Variants in PICALM observed in about 807,000 individuals in gnomAD.
The protein encoded by PICALM is phosphatidylinositol-binding clathrin assembly protein.
Under a neutral mutation model 80.5 loss-of-function variants are expected in PICALM, and 40 were observed. The observed-to-expected ratio is 0.50, with a 90% CI of 0.39 to 0.65. The LOEUF is 0.65. PICALM is among the 30% of genes least tolerant of loss of function. The probability of loss-of-function intolerance (pLI) is 0.00; values close to 1 mark genes in which losing one functional copy is unlikely to be tolerated. For missense variants in PICALM, 676 were observed against 778.9 expected (o/e 0.87, Z 1.57); for synonymous variants, 288 against 260.3 (o/e 1.11, Z -1.02).
chr11:86,036,943 ACC>A (rs1234127607), intron 1 of PICALM, among the ~76,000 whole-genome samples: 74 of 134,530 alleles, frequency 5.5e-4, no homozygotes, highest in Middle Eastern at 3.5e-3. Flanking sequence ...CTCAACAACA[ACC>A]AAAAAAAAAA....
chr11:86,025,270 T>C (rs1329203367), intron 3 of PICALM, among the ~76,000 whole-genome samples: 1 of 151,944 alleles, frequency 6.6e-6, no homozygotes, highest in Non-Finnish European at 1.5e-5. Flanking sequence ...CGTGGTGACA[T>C]GCGCGGGTAG....
intron 4 of PICALM, 148 bp downstream of exon 4, chr11:86,022,219 C>T (rs960644707): frequency 8.0e-6 from 4 of 500,800 alleles, no homozygotes; most frequent in Non-Finnish European, 1.4e-5. Context: ...AATCCTACCA[C>T]AAAAAGTACT....
chr11:86,060,621 C>T (rs2137659011), intron 1 of PICALM, among the ~76,000 whole-genome samples: 2 of 151,710 alleles, frequency 1.3e-5, no homozygotes, highest in Non-Finnish European at 2.9e-5. Flanking sequence ...TGAGGACCCC[C>T]AAAAGTCCCC....
intron 19 of PICALM, chr11:85,960,925 TAAG>T (rs2093667485): frequency 3.3e-6 from 1 of 305,458 alleles, no homozygotes; most frequent in Non-Finnish European, 6.3e-6. Context: ...AATGGATTGT[TAAG>T]ACAAAAGTTT....
intron 18 of PICALM, among the ~76,000 whole-genome samples, chr11:85,975,513 T>A (rs1389066943): frequency 6.6e-6 from 1 of 151,960 alleles, no homozygotes; most frequent in East Asian, 1.9e-4. Flanking sequence ...TTTCAAGAAG[T>A]TCTATTTATT....
chr11:85,994,004 G>A (rs1370005786), intron 12 of PICALM, among the ~76,000 whole-genome samples: 2 of 152,028 alleles, frequency 1.3e-5, no homozygotes, highest in Non-Finnish European at 2.9e-5. Flanking sequence ...ACAGGTATGA[G>A]CCACTGCACC....
intron 1 of PICALM, among the ~76,000 whole-genome samples, chr11:86,036,942 A>C (rs934374019): frequency 3.5e-4 from 46 of 132,292 alleles, no homozygotes; most frequent in African/African-American, 1.1e-3. Flanking sequence ...TCTCAACAAC[A>C]ACCAAAAAAA....
chr11:86,015,138 A>G (rs1463587206), intron 4 of PICALM, among the ~76,000 whole-genome samples, 175 bp from the exon 5 acceptor site: 1 of 152,224 alleles, frequency 6.6e-6, no homozygotes, highest in Non-Finnish European at 1.5e-5. Flanking sequence ...AAAAAACAAA[A>G]ACAGGCAACA....
At chr11:86,045,799 T>C (rs1488106616) in intron 1 of PICALM, among the ~76,000 whole-genome samples, 1 of 152,186 alleles carries the variant, frequency 6.6e-6, no homozygotes, top group African/African-American at 2.4e-5. Flanking sequence ...TTAAGTGGTC[T>C]AGACAAGTAG....
At chr11:86,050,227 T>C (rs1254010082) in intron 1 of PICALM, among the ~76,000 whole-genome samples, 3 of 121,110 alleles carry the variant, frequency 2.5e-5, no homozygotes, top group African/African-American at 6.6e-5. Flanking sequence ...AAAAAAAAAC[T>C]ATATCAGTAA....
intron 4 of PICALM, 109 bp downstream of exon 4, chr11:86,022,258 C>T: frequency 9.5e-6 from 6 of 633,404 alleles, no homozygotes; most frequent in Non-Finnish European, 2.7e-6. Flanking sequence ...AAAAATGAGG[C>T]TCATCTTTTA....
At chr11:85,967,868 C>G (rs376221661) in intron 19 of PICALM, among the ~76,000 whole-genome samples, 58 of 152,310 alleles carry the variant, frequency 3.8e-4, no homozygotes, top group Middle Eastern at 3.4e-3. Context: ...GGATAAAAAG[C>G]ACTCACAACA....
Position 86,031,584 on chromosome 11 carries a change from T to G in PICALM, c.158A>C (p.Asn53Thr), listed in dbSNP as rs1565481046. 3.7e-6 allele frequency: 6 copies of G among 1,609,562 alleles called. No homozygotes were observed. The highest frequency in any genetic ancestry group is 5.1e-6 in the Non-Finnish European group (6 of 1,177,500). ...DYLIQCTNEM[N>T]VNIPQLADSL... is the part of the protein sequence containing the mutation. ...GTCTGCCAACTGTGGGATGTTCACA[T>G]TCATCTCATTTGTGCACTGAATTAA... is the stretch of plus-strand genomic sequence containing the variant. The change falls in exon 2 of 20, where the codon AAT becomes ACT. Residue 53 changes from asparagine (N) to threonine (T), a missense_variant. Asn to Thr is a moderately conservative substitution (Grantham distance 65). Around this residue, in one of 2 missense-constraint regions of PICALM, gnomAD observed 285 missense variants for 395.4 expected, o/e 0.72. Coordinates refer to ENST00000393346, the MANE Select transcript of PICALM (RefSeq NM_007166.4).
chr11:86,054,999 T>C (rs1030281340), intron 1 of PICALM, among the ~76,000 whole-genome samples: 12 of 152,170 alleles, frequency 7.9e-5, no homozygotes, highest in Non-Finnish European at 1.3e-4. Flanking sequence ...AAAAAAAATA[T>C]GATTTTTTTT....
intron 6 of PICALM, among the ~76,000 whole-genome samples, chr11:86,011,448 TAAC>T (rs1469916017): frequency 6.6e-6 from 1 of 152,222 alleles, no homozygotes; most frequent in African/African-American, 2.4e-5. Context: ...AAAACAGCAC[TAAC>T]ATCTATTTCC....
intron 1 of PICALM, among the ~76,000 whole-genome samples, chr11:86,045,667 T>C (rs2096061696): frequency 6.6e-6 from 1 of 152,148 alleles, no homozygotes; most frequent in Admixed American, 6.5e-5. Context: ...GATCTATATT[T>C]ATACAATATC....
At chr11:86,024,088 C>G (rs1037157133) in intron 3 of PICALM, among the ~76,000 whole-genome samples, 1 of 152,056 alleles carries the variant, frequency 6.6e-6, no homozygotes, top group Admixed American at 6.6e-5. Flanking sequence ...ACGATCATAC[C>G]ACTGCACCCA....
At chr11:86,008,394 G>A (rs1429981967) in intron 7 of PICALM, among the ~76,000 whole-genome samples, 1 of 152,048 alleles carries the variant, frequency 6.6e-6, no homozygotes, top group Non-Finnish European at 1.5e-5. Flanking sequence ...GGCTGAGGTG[G>A]GCGGATCACG....
chr11:86,019,551 A>C (rs187178331), intron 4 of PICALM, among the ~76,000 whole-genome samples: 2 of 152,234 alleles, frequency 1.3e-5, no homozygotes, highest in African/African-American at 4.8e-5. Context: ...AATACACTGA[A>C]GATCAACTTC....
Sources: gnomAD v4.1 joint callset for allele counts (sites outside exome capture counted in the v4.1 genomes callset) on GRCh38, gnomAD v4.1.1 for gene constraint, gnomAD v4.1.1 regional missense constraint, MANE v1.5 for transcripts, NCBI Gene and HGNC (gene_info 2026-07-23, HGNC 2026-07-21) for gene names.